FAM174B: variants seen among roughly 807,000 people sequenced by gnomAD.
The protein encoded by FAM174B is family with sequence similarity 174 member B, also known as membrane protein FAM174B.
In FAM174B, 12 loss-of-function variants were observed where a neutral mutation model predicts 10.9. That is an observed-to-expected ratio of 1.10 (90% CI 0.71 to 1.79). The LOEUF (loss-of-function observed/expected upper bound fraction) is 1.79. Among genes scored for constraint, FAM174B ranks in the 40% most tolerant of loss-of-function variants. The pLI is 0.00. For missense variants in FAM174B, 266 were observed against 233.3 expected, an observed-to-expected ratio of 1.14 and a Z score of -0.91; for synonymous variants, 132 against 115.8, an observed-to-expected ratio of 1.14 and a Z score of -0.90.
intron 1 of FAM174B, chr15:92,655,097 T>C (rs1166536991): frequency 2.1e-6 from 1 of 481,598 alleles, no homozygotes; most frequent in East Asian, 3.6e-5. Context: ...TATATATAGT[T>C]AAAGAGAGGA....
At position 92,655,545 on chromosome 15, in the gene FAM174B, G is replaced by C. The variant is rs2050998562; in HGVS notation, c.115C>G (p.Pro39Ala). The C allele has an allele frequency of 1.4e-6, 2 of 1,426,210 alleles. No homozygotes were observed. The highest frequency in any genetic ancestry group is 9.2e-7 in the Non-Finnish European group (1 of 1,091,650). The allele number at this position is 1,426,210 out of a possible 1,614,324, so 88.3% of individuals were successfully genotyped here. ...GGCGGTGGCCGCGACTCGCGCTCGG[G>C]TTCGGGCCACGGCGCGGAGACGGAC... Reference protein sequence around the residue: ...AESVSAPWPEPERESRPPPGP... With the variant: ...AESVSAPWPEAERESRPPPGP... The change falls in exon 1 of 3, where the codon CCC (proline) becomes GCC (alanine). Residue 39 changes from proline (P) to alanine (A), a missense_variant. Physicochemically the swap from Pro to Ala is conservative, Grantham distance 27 (BLOSUM62 -1). Transcript: ENST00000327355.
At chr15:92,645,217 A>T (rs1202077459) in intron 1 of FAM174B, among the ~76,000 whole-genome samples, 3 of 152,312 alleles carry the variant, frequency 2.0e-5, no homozygotes, top group Middle Eastern at 3.4e-3. Flanking sequence ...AGTATTGACC[A>T]TTATTTATAT....
At position 92,630,310 on chromosome 15, in the gene FAM174B, T is replaced by C; in HGVS notation, c.380A>G (p.Asp127Gly). 1 of 1,613,712 alleles carries C rather than the reference T, an allele frequency of 6.2e-7. No homozygotes were observed. The highest frequency in any genetic ancestry group is 8.5e-7 in the Non-Finnish European group (1 of 1,179,750). ...GKRLKKTRKYDIITTPAERVE... is the reference protein window; with the variant it reads ...GKRLKKTRKYGIITTPAERVE... ...TCGCTCTGCTGGAGTGGTGATGATATCATACTTGCGTGTCTTCTTTAACCT... is the reference window on the plus strand; with the variant it reads ...TCGCTCTGCTGGAGTGGTGATGATACCATACTTGCGTGTCTTCTTTAACCT... The change falls in exon 2 of 3, where the codon GAT becomes GGT. Residue 127 changes from aspartate (D) to glycine (G), a missense_variant. Coordinates refer to ENST00000327355, the MANE Select transcript of FAM174B (RefSeq NM_207446.3).
Position 92,618,884 on chromosome 15 carries a change from TC to T in FAM174B, c.*571del. ...AGAAAGAAAAGGAGCCACAGACGTG[TC>T]CAGGTCTGGAAGGGGCTGACCAGCT... On this transcript the variant is annotated 3_prime_UTR_variant, in exon 3 of 3. Coordinates refer to ENST00000327355, the MANE Select transcript of FAM174B (RefSeq NM_207446.3). 3.5e-6 allele frequency: 1 copy of T among 282,952 alleles called. No individual in the cohort carries two copies. The highest frequency in any genetic ancestry group is 6.5e-6 in the Non-Finnish European group (1 of 153,972). 17.5% of individuals were successfully genotyped at this position (282,952 alleles called of 1,614,324 possible).
chr15:92,617,493 G>A lies in FAM174B; in HGVS notation c.*1963C>T. 1 of 506,496 alleles carries A rather than the reference G, an allele frequency of 2.0e-6. No individual in the cohort carries two copies. Among genetic ancestry groups the A allele is most frequent in the Non-Finnish European group, 3.4e-6 (1 of 290,412 alleles). The allele number at this position is 506,496 out of a possible 1,614,324, so 31.4% of individuals were successfully genotyped here. ...ATTGGAGAGCCTGTGGCGCTGAAGT[G>A]CCACCAAGGATTTGGAAGGTCACTT... On this transcript the variant is annotated 3_prime_UTR_variant, in exon 3 of 3. Transcript: ENST00000327355.
chr15:92,642,256 T>C (rs746353523), intron 1 of FAM174B, among the ~76,000 whole-genome samples: 57 of 152,204 alleles, frequency 3.7e-4, no homozygotes, highest in Non-Finnish European at 7.2e-4. Context: ...ATTTGGCAGT[T>C]TGTCAAAAGG....
intron 2 of FAM174B, among the ~76,000 whole-genome samples, chr15:92,624,037 C>T (rs1005095946): frequency 5.9e-5 from 9 of 152,214 alleles, no homozygotes; most frequent in African/African-American, 2.2e-4. Context: ...GACATAGACA[C>T]AAGAATTTTT....
At chr15:92,649,566 A>G (rs944157685) in intron 1 of FAM174B, among the ~76,000 whole-genome samples, 1 of 152,200 alleles carries the variant, frequency 6.6e-6, no homozygotes, top group Non-Finnish European at 1.5e-5. Flanking sequence ...AGTTGACACA[A>G]TCTCATTCTA....
chr15:92,631,221 TTATATATAA>T (rs2050801041), intron 1 of FAM174B, among the ~76,000 whole-genome samples: 2 of 9,016 alleles, frequency 2.2e-4, no homozygotes, highest in Non-Finnish European at 3.8e-4. Flanking sequence ...ATATATTATA[TTATATATAA>T]TATATTATAT....
intron 1 of FAM174B, among the ~76,000 whole-genome samples, chr15:92,640,866 A>T (rs1402789736): frequency 6.6e-6 from 1 of 151,904 alleles, no homozygotes; most frequent in Non-Finnish European, 1.5e-5. Context: ...GCTGGTTTTG[A>T]ACTCCTGACC....
chr15:92,621,773 G>A (rs188026330), intron 2 of FAM174B, among the ~76,000 whole-genome samples: 7 of 152,130 alleles, frequency 4.6e-5, no homozygotes, highest in East Asian at 3.9e-4. Flanking sequence ...TTGGGGAGTC[G>A]GGGGAGCTAA....
Position 92,617,484 on chromosome 15 carries a change from C to T in FAM174B, c.*1972G>A, listed in dbSNP as rs752705059. ...AGGGTTTTTATTGGAGAGCCTGTGG[C>T]GCTGAAGTGCCACCAAGGATTTGGA... On this transcript the variant is annotated 3_prime_UTR_variant, in exon 3 of 3. Transcript: ENST00000327355. The T allele has an allele frequency of 6.0e-6, 3 of 503,886 alleles. No individual in the cohort carries two copies. Among genetic ancestry groups the T allele is most frequent in the Admixed American group, 4.1e-5 (1 of 24,184 alleles). The allele number at this position is 503,886 out of a possible 1,614,324, so 31.2% of individuals were successfully genotyped here.
rs1370511306 is a variant in FAM174B at position 92,655,345 on chromosome 15, G to A, written c.315C>T (p.Leu105=). ...AGACGCGCAGCAGCAGGCAGGCGATGAGGAGGGTGGTAAAGGCGAACGCCA... is the reference window on the plus strand; with the variant it reads ...AGACGCGCAGCAGCAGGCAGGCGATAAGGAGGGTGGTAAAGGCGAACGCCA... ...VIVAFAFTTL[L]IACLLLRVFR... is the part of the protein sequence containing the mutation. The change falls in exon 1 of 3, where the codon CTC becomes CTT. Residue 105 remains leucine (L), a synonymous_variant. Coordinates refer to ENST00000327355, the MANE Select transcript of FAM174B (RefSeq NM_207446.3). 1 of 1,581,288 alleles carries A rather than the reference G, an allele frequency of 6.3e-7. No homozygotes were observed.
chr15:92,625,814 A>T (rs114882846), intron 2 of FAM174B, among the ~76,000 whole-genome samples: 59 of 152,190 alleles, frequency 3.9e-4, no homozygotes, highest in African/African-American at 1.4e-3. Context: ...AGCCAGCACT[A>T]CTTAGTCTTT....
chr15:92,643,629 A>G (rs1490572656), intron 1 of FAM174B, among the ~76,000 whole-genome samples: 2 of 152,178 alleles, frequency 1.3e-5, no homozygotes, highest in Non-Finnish European at 2.9e-5. Context: ...AGTCTGTGTC[A>G]GGCTGCCCCT....
chr15:92,654,854 G>A (rs887915906), intron 1 of FAM174B, among the ~76,000 whole-genome samples: 5 of 151,900 alleles, frequency 3.3e-5, no homozygotes, highest in African/African-American at 9.7e-5. Context: ...AGCTGCAGAT[G>A]GTAGAAGGGA....
At chr15:92,633,061 A>G (rs2050829941) in intron 1 of FAM174B, among the ~76,000 whole-genome samples, 1 of 152,014 alleles carries the variant, frequency 6.6e-6, no homozygotes, top group Non-Finnish European at 1.5e-5. Flanking sequence ...CTTTATATTC[A>G]CTGATGTCCC....
intron 1 of FAM174B, among the ~76,000 whole-genome samples, chr15:92,641,648 C>G (rs973486409): frequency 5.3e-5 from 8 of 151,952 alleles, no homozygotes; most frequent in African/African-American, 1.9e-4. Context: ...ACACAATATA[C>G]AAAAATTACC....
chr15:92,655,679 G>C lies in FAM174B; in HGVS notation c.-20C>G. On this transcript the variant is annotated 5_prime_UTR_variant, in exon 1 of 3. Coordinates refer to ENST00000327355, the MANE Select transcript of FAM174B (RefSeq NM_207446.3). ...GCGCATAGTGCGGTGGGTCGGCACA[G>C]GATCGGGCAGGGCGCGCGCGGCTGA... The C allele has an allele frequency of 4.8e-6, 6 of 1,245,708 alleles. No homozygotes were observed. Among genetic ancestry groups the C allele is most frequent in the Non-Finnish European group, 6.0e-6 (6 of 997,204 alleles). The allele number at this position is 1,245,708 out of a possible 1,614,324, so 77.2% of individuals were successfully genotyped here.
Sources: gnomAD v4.1 joint callset for allele counts (sites outside exome capture counted in the v4.1 genomes callset) on GRCh38, gnomAD v4.1.1 for gene constraint, MANE v1.5 for transcripts, NCBI Gene and HGNC (gene_info 2026-07-23, HGNC 2026-07-21) for gene names.